Variants in GRXCR1 observed in about 807,000 individuals in gnomAD.
The protein encoded by GRXCR1 is glutaredoxin domain-containing cysteine-rich protein 1.
A neutral mutation model predicts 27.3 loss-of-function variants in GRXCR1; 27 were observed. The ratio of observed to expected loss-of-function variants is 0.99; its 90% CI spans 0.73 to 1.37. The LOEUF (loss-of-function observed/expected upper bound fraction) is 1.37. Among genes scored for constraint, GRXCR1 ranks in the 40% most tolerant of loss-of-function variants. GRXCR1 has a pLI of 0.00. For synonymous variants in GRXCR1, 122 were observed against 131.1 expected, an observed-to-expected ratio of 0.93 and a Z score of 0.47; for missense variants, 379 against 354.4, an observed-to-expected ratio of 1.07 and a Z score of -0.56.
chr4:43,018,500 A>T (rs181091507), intron 2 of GRXCR1, among the ~76,000 whole-genome samples: 1 of 152,152 alleles, frequency 6.6e-6, no homozygotes, highest in Admixed American at 6.6e-5. Flanking sequence ...ATGCTGCAAG[A>T]GTTGTTTGTA....
intron 1 of GRXCR1, among the ~76,000 whole-genome samples, chr4:42,951,915 A>T (rs1253957978): frequency 6.6e-6 from 1 of 152,170 alleles, no homozygotes; most frequent in Non-Finnish European, 1.5e-5. Flanking sequence ...TTGTCTTTGC[A>T]GTTAACGTCT....
intron 1 of GRXCR1, among the ~76,000 whole-genome samples, chr4:42,906,224 TTATC>T (rs1439199447): frequency 6.6e-6 from 1 of 152,134 alleles, no homozygotes. Flanking sequence ...AGTATAGTAT[TTATC>T]TATTTTACCT....
chr4:42,920,740 G>T (rs1296070627), intron 1 of GRXCR1, among the ~76,000 whole-genome samples: 1 of 151,824 alleles, frequency 6.6e-6, no homozygotes, highest in African/African-American at 2.4e-5. Flanking sequence ...ATAATTTTTG[G>T]AATATCAAAT....
At chr4:42,957,594 A>G (rs947124478) in intron 1 of GRXCR1, among the ~76,000 whole-genome samples, 3 of 151,848 alleles carry the variant, frequency 2.0e-5, no homozygotes, top group Admixed American at 6.6e-5. Flanking sequence ...TGTAGATCCT[A>G]TAGGTGTGCT....
intron 1 of GRXCR1, among the ~76,000 whole-genome samples, chr4:42,937,677 A>T (rs1747491692): frequency 6.6e-6 from 1 of 151,730 alleles, no homozygotes; most frequent in African/African-American, 2.4e-5. Flanking sequence ...CTAAATTCCC[A>T]CTCTCAACAA....
intron 2 of GRXCR1, among the ~76,000 whole-genome samples, chr4:42,992,663 C>A (rs1006459842): frequency 6.6e-5 from 10 of 151,964 alleles, no homozygotes; most frequent in African/African-American, 2.2e-4. Flanking sequence ...AGCCATAATG[C>A]TTAGTAGCTT....
chr4:42,959,933 T>G (rs1191546779), intron 1 of GRXCR1, among the ~76,000 whole-genome samples: 1 of 151,930 alleles, frequency 6.6e-6, no homozygotes, highest in Admixed American at 6.6e-5. Flanking sequence ...ACATTCAACA[T>G]TCTTGAGATC....
intron 1 of GRXCR1, among the ~76,000 whole-genome samples, chr4:42,952,813 C>A (rs966854691): frequency 3.3e-5 from 5 of 152,096 alleles, no homozygotes; most frequent in Non-Finnish European, 4.4e-5. Context: ...GAGAGAAACC[C>A]CAGAAGTCTC....
At chr4:42,927,152 A>G (rs1747174844) in intron 1 of GRXCR1, among the ~76,000 whole-genome samples, 1 of 152,014 alleles carries the variant, frequency 6.6e-6, no homozygotes, top group African/African-American at 2.4e-5. Context: ...GGATTCAGGG[A>G]TGGCCTAGTT....
At chr4:42,945,332 A>G (rs1391612542) in intron 1 of GRXCR1, among the ~76,000 whole-genome samples, 1 of 152,188 alleles carries the variant, frequency 6.6e-6, no homozygotes, top group Non-Finnish European at 1.5e-5. Flanking sequence ...ATAAAAAGAA[A>G]GAAGGAGAAA....
At chr4:42,975,537 G>T (rs546769683) in intron 2 of GRXCR1, among the ~76,000 whole-genome samples, 1 of 152,106 alleles carries the variant, frequency 6.6e-6, no homozygotes, top group Admixed American at 6.6e-5. Context: ...CTGGAGGGAA[G>T]CCTTTAACAG....
At chr4:42,953,893 A>G (rs1368192759) in intron 1 of GRXCR1, among the ~76,000 whole-genome samples, 1 of 152,024 alleles carries the variant, frequency 6.6e-6, no homozygotes, top group Non-Finnish European at 1.5e-5. Flanking sequence ...AATCATTCAA[A>G]CCTCACAAAT....
At chr4:42,914,110 T>C (rs1746830531) in intron 1 of GRXCR1, among the ~76,000 whole-genome samples, 1 of 152,050 alleles carries the variant, frequency 6.6e-6, no homozygotes, top group Admixed American at 6.5e-5. Context: ...AAATGTGGGG[T>C]GGGAGCCCCC....
chr4:42,918,418 G>T (rs892958420), intron 1 of GRXCR1, among the ~76,000 whole-genome samples: 1 of 151,978 alleles, frequency 6.6e-6, no homozygotes, highest in Non-Finnish European at 1.5e-5. Context: ...TGGCTTCATG[G>T]TATGCCCCCA....
At chr4:42,963,233 CTTGCT>C in intron 2 of GRXCR1, 99 bp downstream of exon 2, 1 of 1,419,514 alleles carries the variant, frequency 7.0e-7, no homozygotes, top group Non-Finnish European at 9.9e-7. Flanking sequence ...TACTGGAACA[CTTGCT>C]GGTTTTTTTG....
At chr4:42,902,882 T>C (rs1746492504) in intron 1 of GRXCR1, among the ~76,000 whole-genome samples, 6 of 152,196 alleles carry the variant, frequency 3.9e-5, no homozygotes, top group Admixed American at 3.9e-4. Context: ...TAACACATTA[T>C]TCTTGTAGTG....
intron 1 of GRXCR1, among the ~76,000 whole-genome samples, chr4:42,895,337 G>A (rs1746324266): frequency 6.6e-6 from 1 of 152,060 alleles, no homozygotes; most frequent in African/African-American, 2.4e-5. Context: ...GAGCAATGAA[G>A]AGCAATAAAG....
intron 1 of GRXCR1, among the ~76,000 whole-genome samples, chr4:42,955,200 C>G (rs960358665): frequency 3.3e-5 from 5 of 152,094 alleles, no homozygotes; most frequent in Admixed American, 2.6e-4. Flanking sequence ...GAGCTAATCA[C>G]TTTGCCTCTT....
Position 42,914,478 on chromosome 4 carries a change from G to A in GRXCR1, c.384+20828G>A, listed in dbSNP as rs903302235. On this transcript the variant is annotated intron_variant, in intron 1 of 3. Coordinates refer to ENST00000399770, the MANE Select transcript of GRXCR1 (RefSeq NM_001080476.3). ...TGGCCAATTTCTCCCATTTGGAGTGGCTGTATTTACCCAGCACCTGTACCT... is the reference window on the plus strand; with the variant it reads ...TGGCCAATTTCTCCCATTTGGAGTGACTGTATTTACCCAGCACCTGTACCT... 2.0e-5 allele frequency among the ~76,000 whole-genome samples: 3 copies of A among 152,224 alleles called. No individual in the cohort carries two copies. In the South Asian group the frequency reaches 6.2e-4, roughly 32 times the overall value.
Sources: gnomAD v4.1 joint callset for allele counts (sites outside exome capture counted in the v4.1 genomes callset) on GRCh38, gnomAD v4.1.1 for gene constraint, MANE v1.5 for transcripts, NCBI Gene and HGNC (gene_info 2026-07-23, HGNC 2026-07-21) for gene names.